Variants in TRAPPC10 observed in about 807,000 individuals in gnomAD.
TRAPPC10 encodes trafficking protein particle complex subunit 10.
A neutral mutation model predicts 125.5 loss-of-function variants in TRAPPC10; 23 were observed. The ratio of observed to expected loss-of-function variants is 0.18; its 90% confidence interval spans 0.13 to 0.26. The LOEUF (loss-of-function observed/expected upper bound fraction) is 0.26. Ranked by LOEUF, TRAPPC10 falls within the 10% of genes least tolerant of loss-of-function variation. The pLI is 1.00. For missense variants in TRAPPC10, 1,123 were observed against 1,308.4 expected (o/e 0.86, Z 2.19); for synonymous variants, 509 against 518.0 (o/e 0.98, Z 0.24).
intron 1 of TRAPPC10, among the ~76,000 whole-genome samples, chr21:44,025,485 A>G (rs893947407): frequency 2.0e-5 from 3 of 152,202 alleles, no homozygotes; most frequent in Non-Finnish European, 4.4e-5. Context: ...GTATTCTTAT[A>G]TTCAGATGCA....
chr21:44,045,957 T>C (rs565544948), intron 3 of TRAPPC10, among the ~76,000 whole-genome samples: 1 of 152,152 alleles, frequency 6.6e-6, no homozygotes. Context: ...GGGTTTATTT[T>C]TTTTTTCTTT....
At chr21:44,053,069 C>T (rs144038669) in intron 4 of TRAPPC10, among the ~76,000 whole-genome samples, 5 of 152,196 alleles carry the variant, frequency 3.3e-5, no homozygotes, top group African/African-American at 9.6e-5. Flanking sequence ...GTCTGTATCT[C>T]GTAGCTTAGC....
intron 2 of TRAPPC10, among the ~76,000 whole-genome samples, chr21:44,032,545 G>A (rs1016988925): frequency 1.3e-5 from 2 of 152,130 alleles, no homozygotes; most frequent in African/African-American, 4.8e-5. Context: ...ACCGCACCCG[G>A]CTAATTTTTG....
chr21:44,065,269 C>T (rs966994359), intron 7 of TRAPPC10, among the ~76,000 whole-genome samples: 15 of 152,194 alleles, frequency 9.9e-5, no homozygotes, highest in Non-Finnish European at 1.8e-4. Flanking sequence ...TCCCTTGTAG[C>T]GTCGGGGTTC....
intron 1 of TRAPPC10, among the ~76,000 whole-genome samples, chr21:44,028,697 A>G (rs1267292120): frequency 1.3e-5 from 2 of 152,106 alleles, no homozygotes; most frequent in African/African-American, 2.4e-5. Flanking sequence ...AAAAAAGGAG[A>G]CCTTAGTTAT....
intron 3 of TRAPPC10, among the ~76,000 whole-genome samples, chr21:44,043,478 C>G (rs894375355): frequency 1.3e-5 from 2 of 152,092 alleles, no homozygotes; most frequent in African/African-American, 4.8e-5. Context: ...TCCCAAAGTG[C>G]TGGGATTGCA....
chr21:44,030,306 G>A (rs1292497838), intron 1 of TRAPPC10, among the ~76,000 whole-genome samples: 1 of 152,060 alleles, frequency 6.6e-6, no homozygotes, highest in African/African-American at 2.4e-5. Context: ...AGGAGAAAGC[G>A]ATTCCATTTA....
intron 3 of TRAPPC10, among the ~76,000 whole-genome samples, chr21:44,049,540 T>G (rs553665067): frequency 6.6e-6 from 1 of 152,334 alleles, no homozygotes; most frequent in Admixed American, 6.5e-5. Context: ...GGCATCCCTG[T>G]CTGGGGGATG....
rs1239960465 is a variant in TRAPPC10 at position 44,059,226 on chromosome 21, C to T, written c.790+12C>T. ...CTTCGGGGCCGGGGGTGAGTAGTGG[C>T]ACTTCAGTAACGCATGCTTTTCTTA... On this transcript the variant is annotated intron_variant, in intron 6 of 22. Coordinates refer to ENST00000291574, the MANE Select transcript of TRAPPC10 (RefSeq NM_003274.5). This position sits in a 1 kb window ranked among gnomAD's most constrained non-coding sequence, Gnocchi z 4.4. 1.3e-6 allele frequency: 2 copies of T among 1,576,686 alleles called. No individual in the cohort carries two copies. Among genetic ancestry groups the T allele is most frequent in the East Asian group, 2.2e-5 (1 of 44,674 alleles).
intron 5 of TRAPPC10, among the ~76,000 whole-genome samples, chr21:44,056,431 A>T (rs2035597235): frequency 6.6e-6 from 1 of 152,108 alleles, no homozygotes; most frequent in Non-Finnish European, 1.5e-5. Flanking sequence ...GCCCCCCAAG[A>T]TGTCTGTCAG....
At chr21:44,060,782 G>A (rs1043944816) in intron 6 of TRAPPC10, among the ~76,000 whole-genome samples, 9 of 150,972 alleles carry the variant, frequency 6.0e-5, no homozygotes, top group African/African-American at 2.0e-4. Flanking sequence ...TATATTTTTA[G>A]TAGAAACGGG....
chr21:44,048,333 C>CCCCA (rs2034996598), intron 3 of TRAPPC10, among the ~76,000 whole-genome samples: 1 of 152,172 alleles, frequency 6.6e-6, no homozygotes, highest in African/African-American at 2.4e-5. Context: ...CCCCTGCCCT[C>CCCCA]CCCACCCTCT....
At chr21:44,085,183 T>C (rs1457294529) in intron 15 of TRAPPC10, among the ~76,000 whole-genome samples, 1 of 152,050 alleles carries the variant, frequency 6.6e-6, no homozygotes, top group Non-Finnish European at 1.5e-5. Flanking sequence ...AGTCCTCATC[T>C]TGAAGCTACC....
chr21:44,067,145 C>G (rs2036511341), intron 7 of TRAPPC10, among the ~76,000 whole-genome samples: 1 of 152,200 alleles, frequency 6.6e-6, no homozygotes, highest in South Asian at 2.1e-4. Flanking sequence ...GGGGAGTCAC[C>G]AGCCTAGCCT....
At chr21:44,046,739 C>G in intron 3 of TRAPPC10, 1 of 390,844 alleles carries the variant, frequency 2.6e-6, no homozygotes, top group Non-Finnish European at 4.8e-6. Context: ...AACTTCCAAC[C>G]TCAGGCGATC....
At chr21:44,055,222 G>T (rs918390064) in intron 4 of TRAPPC10, among the ~76,000 whole-genome samples, 1 of 152,184 alleles carries the variant, frequency 6.6e-6, no homozygotes, top group East Asian at 1.9e-4. Context: ...TACTGCTCGT[G>T]TTCATGACCA....
chr21:44,031,507 G>A (rs766192097), intron 1 of TRAPPC10, among the ~76,000 whole-genome samples: 2 of 152,208 alleles, frequency 1.3e-5, no homozygotes, highest in Non-Finnish European at 2.9e-5. Context: ...CACTGAACAC[G>A]TTGGCCCTCA....
intron 7 of TRAPPC10, among the ~76,000 whole-genome samples, chr21:44,067,408 A>G (rs1003907596): frequency 1.3e-4 from 20 of 152,140 alleles, no homozygotes; most frequent in African/African-American, 3.6e-4. Flanking sequence ...GGGTGCTCTC[A>G]TGTGTAGGTG....
At chr21:44,038,942 C>G (rs1299252861) in intron 3 of TRAPPC10, among the ~76,000 whole-genome samples, 1 of 152,190 alleles carries the variant, frequency 6.6e-6, no homozygotes, top group East Asian at 1.9e-4. Context: ...GACTCTGTAC[C>G]CAAGGTTTTC....
Sources: allele counts gnomAD v4.1 joint callset (sites outside exome capture counted in the v4.1 genomes callset), GRCh38; gene constraint gnomAD v4.1.1; non-coding constraint Gnocchi (gnomAD v3.1); transcripts MANE v1.5; gene names NCBI Gene and HGNC (gene_info 2026-07-23, HGNC 2026-07-21).